Variants in FRS3 observed in about 807,000 individuals in gnomAD.
The protein encoded by FRS3 is fibroblast growth factor receptor substrate 3.
A neutral mutation model predicts 41.9 loss-of-function variants in FRS3; 17 were observed. That is an observed-to-expected ratio of 0.41 (90% confidence interval 0.28 to 0.61). The LOEUF is 0.61. FRS3 is among the 20% of genes least tolerant of loss of function. FRS3 has a pLI of 0.36. For synonymous variants in FRS3, 287 were observed against 274.5 expected (o/e 1.05, Z -0.45); for missense variants, 619 against 672.1 (o/e 0.92, Z 0.87).
chr6:41,770,973 G>A lies in FRS3; in HGVS notation c.1125C>T (p.Ser375=). 6.2e-7 allele frequency: 1 copy of A among 1,613,066 alleles called. No individual in the cohort carries two copies. The highest frequency in any genetic ancestry group is 2.2e-5 in the East Asian group (1 of 44,860). Residue 375 remains serine, a synonymous_variant, in exon 7 of 7, where the codon AGC becomes AGT. Coordinates refer to ENST00000373018, the MANE Select transcript of FRS3 (RefSeq NM_006653.5). ...CGTGGCTGCGGATGGCGGCCCGGGT[G>A]CTGGTGGGCTTCTGCAGTGGGGTCT... ...EDETPLQKPT[S]TRAAIRSHGS...
rs1158410283 is a variant in FRS3, at chr6:41,771,707, C to T, written c.564+109G>A. The T allele has an allele frequency of 3.1e-6, 4 of 1,295,552 alleles. No homozygotes were observed. The East Asian group carries it at 7.6e-5, about 25-fold the overall frequency. 80.3% of individuals were successfully genotyped at this position (1,295,552 alleles called of 1,614,324 possible). A position where few individuals can be genotyped will look rare whatever the true frequency, so the allele number is the denominator to read the frequency against. On this transcript the variant is annotated intron_variant, in intron 6 of 6. Transcript: ENST00000373018. ...TTTTGGGGACAGGAAGGGACCGTTA[C>T]AATGTTCTTCCCCTTCCCGTGATCC...
rs373282954 is a variant in FRS3 at position 41,776,915 on chromosome 6, T to C, written c.66+7A>G. The C allele has an allele frequency of 4.8e-5, 78 of 1,612,252 alleles. No individual in the cohort carries two copies. Among genetic ancestry groups the C allele is most frequent in the Non-Finnish European group, 6.4e-5 (76 of 1,178,330 alleles). On this transcript the variant is annotated splice_region_variant and intron_variant, in intron 3 of 6. Coordinates refer to ENST00000373018, the MANE Select transcript of FRS3 (RefSeq NM_006653.5). ...GGGAACACAGGAGAGGAGAGGGCTC[T>C]GGGTACCTTGAACTTGGTGGGGTGG...
Position 41,776,637 on chromosome 6 carries a change from G to C in FRS3, c.66+285C>G, listed in dbSNP as rs891347404. ...TTTTGTTTTCTCTAAAAAAAAAAGG[G>C]GGGGGGATATATAAAGTTATAAAAA... is the stretch of plus-strand genomic sequence containing the variant. On this transcript the variant is annotated intron_variant, in intron 3 of 6. Transcript: ENST00000373018. 6 of 374,074 alleles carry C rather than the reference G, an allele frequency of 1.6e-5. No individual in the cohort carries two copies. The Admixed American group carries it at 1.7e-4, about 10-fold the overall frequency. The allele number at this position is 374,074 out of a possible 1,614,324, so 23.2% of individuals were successfully genotyped here.
At position 41,770,756 on chromosome 6, in the gene FRS3, G is replaced by T. The variant is rs561176382; in HGVS notation, c.1342C>A (p.Pro448Thr). 3.7e-6 allele frequency: 6 copies of T among 1,613,760 alleles called. No individual in the cohort carries two copies. In the South Asian group the frequency reaches 5.5e-5, roughly 15 times the overall value. ...SPQAPMPTTH[P>T]ARSSDSYAVI... ...GCGTAGGAGTCTGAGCTTCGGGCAG[G>T]GTGGGTGGTGGGCATGGGGGCTTGG... is the stretch of plus-strand genomic sequence containing the variant. Residue 448 changes from proline (P) to threonine (T), a missense_variant, in exon 7 of 7, where the codon CCT (proline) becomes ACT (threonine). Physicochemically the swap from Pro to Thr is conservative, Grantham distance 38. Coordinates refer to ENST00000373018, the MANE Select transcript of FRS3 (RefSeq NM_006653.5).
Position 41,770,367 on chromosome 6 carries a change from G to A in FRS3, c.*252C>T. The A allele has an allele frequency of 1.8e-6, 1 of 567,244 alleles. No homozygotes were observed. Among genetic ancestry groups the A allele is most frequent in the Non-Finnish European group, 3.1e-6 (1 of 319,710 alleles). The allele number at this position is 567,244 out of a possible 1,614,324, so 35.1% of individuals were successfully genotyped here. ...GGGAGGGCGCTAAACGCAATCACAG[G>A]AACCCTTCACAGTTGACGTCTCGGC... On this transcript the variant is annotated 3_prime_UTR_variant, in exon 7 of 7. Transcript: ENST00000373018.
intron 2 of FRS3, chr6:41,777,383 G>C (rs1772434452): frequency 5.8e-6 from 1 of 173,154 alleles, no homozygotes; most frequent in Non-Finnish European, 1.2e-5. Context: ...GATGGAGGTG[G>C]GTGCCAGCCC....
chr6:41,779,488 G>A (rs1007516142), intron 1 of FRS3, among the ~76,000 whole-genome samples: 1 of 152,030 alleles, frequency 6.6e-6, no homozygotes, highest in Non-Finnish European at 1.5e-5. Flanking sequence ...CATAGCAGGA[G>A]ATTTGTTGAG....
intron 4 of FRS3, among the ~76,000 whole-genome samples, chr6:41,774,394 C>G (rs544949598): frequency 6.6e-6 from 1 of 152,184 alleles, no homozygotes; most frequent in South Asian, 2.1e-4. Context: ...TGCTTCTTCA[C>G]TTATTAGCCC....
At chr6:41,772,745 C>G (rs777400334) in intron 5 of FRS3, 53 bp downstream of exon 5, 1 of 1,162,766 alleles carries the variant, frequency 8.6e-7, no homozygotes, top group African/African-American at 1.6e-5. Context: ...GCTTCCTGGG[C>G]GTGTGTGTGT....
intron 4 of FRS3, among the ~76,000 whole-genome samples, chr6:41,773,908 C>CA (rs1240239633): frequency 6.6e-6 from 1 of 151,896 alleles, no homozygotes; most frequent in Non-Finnish European, 1.5e-5. Flanking sequence ...AAAACAAAAC[C>CA]AAAAGCCAAG....
Position 41,775,397 on chromosome 6 carries a change from T to A in FRS3, c.253+22A>T, listed in dbSNP as rs766630300. On this transcript the variant is annotated intron_variant, in intron 4 of 6. Transcript: ENST00000373018. ...TACTGCATAAGCCCCTATCCCAGGGTGGAGCAGGGCCTGGTACTCACCCTG... is the reference window on the plus strand; with the variant it reads ...TACTGCATAAGCCCCTATCCCAGGGAGGAGCAGGGCCTGGTACTCACCCTG... The A allele has an allele frequency of 8.2e-6, 13 of 1,588,600 alleles. No homozygotes were observed. In the East Asian group the frequency reaches 2.5e-4, roughly 30 times the overall value.
In FRS3 at chr6:41,771,218, G is replaced by A; in HGVS notation, c.880C>T (p.Leu294=). The A allele has an allele frequency of 6.4e-7, 1 of 1,569,908 alleles. No homozygotes were observed. The highest frequency in any genetic ancestry group is 8.7e-7 in the Non-Finnish European group (1 of 1,154,542). The change falls in exon 7 of 7, where the codon CTG becomes TTG. Residue 294 remains leucine (L), a synonymous_variant. Transcript: ENST00000373018. The part of the protein sequence containing the change: ...KCTYENVTGG[L]WRGAGWRLSP... Reference sequence around the variant, plus strand: ...AGTCTCCAGCCAGCCCCTCGCCACAGCCCCCCGGTGACGTTCTCGTAGGTG... The same window carrying A: ...AGTCTCCAGCCAGCCCCTCGCCACAACCCCCCGGTGACGTTCTCGTAGGTG...
chr6:41,771,606 G>C, intron 6 of FRS3, 73 bp from the exon 7 acceptor site: 1 of 1,316,040 alleles, frequency 7.6e-7, no homozygotes, highest in Non-Finnish European at 1.0e-6. Flanking sequence ...GACAGGATGA[G>C]AGAAAAGAAG....
Position 41,771,003 on chromosome 6 carries a change from C to T in FRS3, c.1095G>A (p.Glu365=), listed in dbSNP as rs1314351784. The T allele has an allele frequency of 1.2e-6, 2 of 1,613,118 alleles. No individual in the cohort carries two copies. The highest frequency in any genetic ancestry group is 1.7e-5 in the Admixed American group (1 of 60,018). The change falls in exon 7 of 7, where the codon GAG becomes GAA. Residue 365 remains glutamate (E), a synonymous_variant. Transcript: ENST00000373018. ...TGGGCTTCTGCAGTGGGGTCTCGTC[C>T]TCCTCACCATCAGGGAAGCCATTGG... The part of the protein sequence containing the change: ...PSSNGFPDGE[E]DETPLQKPTS...
intron 5 of FRS3, 151 bp downstream of exon 5, chr6:41,772,647 A>G: frequency 1.2e-6 from 1 of 846,768 alleles, no homozygotes; most frequent in Non-Finnish European, 1.8e-6. Context: ...ATCCTCAAGA[A>G]TGGTTCTGAT....
intron 4 of FRS3, among the ~76,000 whole-genome samples, chr6:41,775,088 G>A (rs1306179025): frequency 6.6e-6 from 1 of 152,188 alleles, no homozygotes. Flanking sequence ...CCTCATCAGA[G>A]AAGCTTGTTC....
At position 41,770,372 on chromosome 6, in the gene FRS3, C is replaced by T; in HGVS notation, c.*247G>A. 3 of 575,986 alleles carry T rather than the reference C, an allele frequency of 5.2e-6. No homozygotes were observed. The highest frequency in any genetic ancestry group is 6.2e-6 in the Non-Finnish European group (2 of 324,052). The allele number at this position is 575,986 out of a possible 1,614,324, so 35.7% of individuals were successfully genotyped here. On this transcript the variant is annotated 3_prime_UTR_variant, in exon 7 of 7. Transcript: ENST00000373018. Reference sequence around the variant, plus strand: ...GGCGCTAAACGCAATCACAGGAACCCTTCACAGTTGACGTCTCGGCTCCCT... The same window carrying T: ...GGCGCTAAACGCAATCACAGGAACCTTTCACAGTTGACGTCTCGGCTCCCT...
intron 6 of FRS3, 137 bp from the exon 7 acceptor site, chr6:41,771,670 G>A (rs1166638931): frequency 1.7e-6 from 2 of 1,150,960 alleles, no homozygotes; most frequent in Admixed American, 2.6e-5. Flanking sequence ...CCCTTCTGAG[G>A]AAGCTGCTCC....
In FRS3 at chr6:41,770,982, C is replaced by T. The variant is rs1477061329; in HGVS notation, c.1116G>A (p.Lys372=). 6 of 1,613,006 alleles carry T rather than the reference C, an allele frequency of 3.7e-6. No homozygotes were observed. In the South Asian group the frequency reaches 5.5e-5, roughly 15 times the overall value. ...DGEEDETPLQ[K]PTSTRAAIRS... ...GGATGGCGGCCCGGGTGCTGGTGGGCTTCTGCAGTGGGGTCTCGTCCTCCT... is the reference window on the plus strand; with the variant it reads ...GGATGGCGGCCCGGGTGCTGGTGGGTTTCTGCAGTGGGGTCTCGTCCTCCT... The change falls in exon 7 of 7, where the codon AAG becomes AAA. Residue 372 remains lysine, a synonymous_variant. Coordinates refer to ENST00000373018, the MANE Select transcript of FRS3 (RefSeq NM_006653.5).
Sources: gnomAD v4.1 joint callset for allele counts (sites outside exome capture counted in the v4.1 genomes callset) on GRCh38, gnomAD v4.1.1 for gene constraint, MANE v1.5 for transcripts, NCBI Gene and HGNC (gene_info 2026-07-23, HGNC 2026-07-21) for gene names.